The following ASAP1 variants were observed in gnomAD, a reference collection of about 807,000 sequenced individuals.
The protein encoded by ASAP1 is ArfGAP with SH3 domain, ankyrin repeat and PH domain 1.
ASAP1 carries 43 observed loss-of-function variants against 145.2 expected under a neutral mutation model. That is an observed-to-expected ratio of 0.30 (90% CI 0.23 to 0.38). ASAP1 has a LOEUF of 0.38. Ranked by LOEUF, ASAP1 falls within the 10% of genes least tolerant of loss-of-function variation. The probability of loss-of-function intolerance (pLI) is 1.00; values close to 1 mark genes in which losing one functional copy is unlikely to be tolerated. For missense variants in ASAP1, 1,018 were observed against 1,355.3 expected, an observed-to-expected ratio of 0.75 and a Z score of 3.91; for synonymous variants, 546 against 515.5, an observed-to-expected ratio of 1.06 and a Z score of -0.80.
At chr8:130,198,287 G>T (rs1169612853) in intron 5 of ASAP1, among the ~76,000 whole-genome samples, 1 of 152,000 alleles carries the variant, frequency 6.6e-6, no homozygotes, top group African/African-American at 2.4e-5. Flanking sequence ...ACCACACCCA[G>T]CTGATTTTTG....
intron 27 of ASAP1, among the ~76,000 whole-genome samples, chr8:130,066,586 TTCTC>T (rs368228049): frequency 4.0e-5 from 6 of 151,820 alleles, no homozygotes; most frequent in South Asian, 2.1e-4. Context: ...TCTTTCTTTC[TTCTC>T]TCTCTCTCCT....
chr8:130,152,454 G>A (rs1246076273), intron 13 of ASAP1, among the ~76,000 whole-genome samples: 1 of 151,960 alleles, frequency 6.6e-6, no homozygotes, highest in Non-Finnish European at 1.5e-5. Flanking sequence ...CAAAGACCTA[G>A]GTTTTTCAGA....
At chr8:130,417,990 T>C (rs1829558602) in intron 1 of ASAP1, among the ~76,000 whole-genome samples, 1 of 152,200 alleles carries the variant, frequency 6.6e-6, no homozygotes, top group Admixed American at 6.5e-5. Flanking sequence ...ATTGCTTATG[T>C]GCCCAGATGG....
At chr8:130,431,465 T>C (rs1487797520) in intron 1 of ASAP1, among the ~76,000 whole-genome samples, 1 of 152,208 alleles carries the variant, frequency 6.6e-6, no homozygotes, top group Admixed American at 6.5e-5. Flanking sequence ...CAGCACATAC[T>C]GTGCTATTGG....
At chr8:130,300,277 C>G (rs1822585692) in intron 3 of ASAP1, among the ~76,000 whole-genome samples, 1 of 151,980 alleles carries the variant, frequency 6.6e-6, no homozygotes, top group African/African-American at 2.4e-5. Flanking sequence ...ACAGATAAGG[C>G]TTTCAACCTT....
chr8:130,420,781 T>G (rs1829688878), intron 1 of ASAP1, among the ~76,000 whole-genome samples: 1 of 151,550 alleles, frequency 6.6e-6, no homozygotes, highest in South Asian at 2.1e-4. Flanking sequence ...GTAATCCCAC[T>G]ACTTGGAAGG....
chr8:130,351,115 A>G (rs1013905721), intron 3 of ASAP1, among the ~76,000 whole-genome samples: 1 of 152,206 alleles, frequency 6.6e-6, no homozygotes, highest in Non-Finnish European at 1.5e-5. Flanking sequence ...CCCTCTCCCA[A>G]ACTCTTTCTC....
intron 3 of ASAP1, among the ~76,000 whole-genome samples, chr8:130,296,704 C>A (rs765535758): frequency 6.6e-6 from 1 of 151,860 alleles, no homozygotes; most frequent in Non-Finnish European, 1.5e-5. Context: ...TTCCCCCTTT[C>A]TTTTTAACCA....
intron 3 of ASAP1, among the ~76,000 whole-genome samples, chr8:130,292,789 G>A (rs958183684): frequency 1.3e-5 from 2 of 152,142 alleles, no homozygotes; most frequent in Non-Finnish European, 2.9e-5. Context: ...AACTGCTACT[G>A]ATTTTACTGT....
rs2097397589 is a variant in ASAP1 at position 130,053,629 on chromosome 8, CTG to C, written c.*1100_*1101del. 1 of 152,196 alleles carries C rather than the reference CTG, an allele frequency of 6.6e-6. No individual in the cohort carries two copies. Among genetic ancestry groups the C allele is most frequent in the South Asian group, 2.1e-4 (1 of 4,832 alleles). 9.4% of individuals were successfully genotyped at this position (152,196 alleles called of 1,614,324 possible). ...CTGGATTCTACATACAGTAGGGAAA[CTG>C]TGTGAAGGGTTGACTTTTAAATTCA... On this transcript the variant is annotated 3_prime_UTR_variant, in exon 30 of 30. Coordinates refer to ENST00000518721, the MANE Select transcript of ASAP1 (RefSeq NM_018482.4).
intron 1 of ASAP1, among the ~76,000 whole-genome samples, chr8:130,410,020 T>C (rs1322375015): frequency 6.6e-6 from 1 of 152,210 alleles, no homozygotes; most frequent in African/African-American, 2.4e-5. Context: ...GTGAACACAA[T>C]GTCATAGGAC....
At chr8:130,439,460 T>C (rs1189579307) in intron 1 of ASAP1, among the ~76,000 whole-genome samples, 2 of 152,220 alleles carry the variant, frequency 1.3e-5, no homozygotes, top group Non-Finnish European at 1.5e-5. Context: ...TTTTTATTTA[T>C]ATGTCTATCA....
At chr8:130,095,955 T>A (rs2097516846) in intron 24 of ASAP1, among the ~76,000 whole-genome samples, 1 of 152,124 alleles carries the variant, frequency 6.6e-6, no homozygotes, top group Admixed American at 6.6e-5. Context: ...TATGTTTCAC[T>A]TAGGTTGACT....
At chr8:130,431,345 C>T (rs1028445515) in intron 1 of ASAP1, among the ~76,000 whole-genome samples, 8 of 152,214 alleles carry the variant, frequency 5.3e-5, no homozygotes, top group Admixed American at 1.3e-4. Context: ...TCCTCAGCGG[C>T]TTCAAGATAA....
At chr8:130,085,179 T>C (rs766548360) in intron 25 of ASAP1, among the ~76,000 whole-genome samples, 7 of 152,146 alleles carry the variant, frequency 4.6e-5, no homozygotes, top group Non-Finnish European at 1.0e-4. Flanking sequence ...TTCAAGAGTG[T>C]TAGAATAGTG....
intron 2 of ASAP1, among the ~76,000 whole-genome samples, chr8:130,373,255 C>T (rs1280664102): frequency 6.6e-6 from 1 of 151,440 alleles, no homozygotes; most frequent in Non-Finnish European, 1.5e-5. Context: ...CATACAAAAC[C>T]TATGGATTTT....
intron 24 of ASAP1, among the ~76,000 whole-genome samples, chr8:130,095,960 T>C (rs1214168183): frequency 5.9e-5 from 9 of 152,100 alleles, no homozygotes; most frequent in Admixed American, 5.2e-4. Flanking sequence ...TTCACTTAGG[T>C]TGACTGATCA....
chr8:130,106,282 T>C (rs1384830120), intron 24 of ASAP1, among the ~76,000 whole-genome samples: 2 of 152,214 alleles, frequency 1.3e-5, no homozygotes, highest in Non-Finnish European at 2.9e-5. Flanking sequence ...ATGACTGTCT[T>C]CCCATGAGAT....
intron 24 of ASAP1, among the ~76,000 whole-genome samples, chr8:130,094,510 A>C (rs939287806): frequency 9.2e-5 from 14 of 152,242 alleles, no homozygotes; most frequent in African/African-American, 3.4e-4. Context: ...GCCTAGTCTA[A>C]ATTTAAAAAA....
Sources: gnomAD v4.1 joint callset for allele counts (sites outside exome capture counted in the v4.1 genomes callset) on GRCh38, gnomAD v4.1.1 for gene constraint, MANE v1.5 for transcripts, NCBI Gene and HGNC (gene_info 2026-07-23, HGNC 2026-07-21) for gene names.